DOP1B: variants seen among roughly 807,000 people sequenced by gnomAD.
DOP1B encodes protein DOP1B.
DOP1B carries 174 observed loss-of-function variants against 233.5 expected under a neutral mutation model. The observed-to-expected ratio is 0.75, with a 90% CI of 0.66 to 0.85. The LOEUF (loss-of-function observed/expected upper bound fraction) is 0.85, where lower values mean the gene tolerates loss of function less well. Ranked by LOEUF, DOP1B falls within the 40% of genes least tolerant of loss-of-function variation. The probability of loss-of-function intolerance (pLI) is 0.00; values close to 1 mark genes in which losing one functional copy is unlikely to be tolerated. For synonymous variants in DOP1B, 1,190 were observed against 1,185.6 expected (o/e 1.00, Z -0.08); for missense variants, 2,652 against 2,846.6 (o/e 0.93, Z 1.56).
chr21:36,262,224 T>A (rs1035452397), intron 24 of DOP1B, among the ~76,000 whole-genome samples: 5 of 152,158 alleles, frequency 3.3e-5, no homozygotes, highest in Admixed American at 2.0e-4. Flanking sequence ...TGACAGCGAA[T>A]ATATATTGCG....
intron 18 of DOP1B, among the ~76,000 whole-genome samples, chr21:36,240,302 A>G (rs564891445): frequency 1.3e-5 from 2 of 152,178 alleles, no homozygotes; most frequent in South Asian, 4.1e-4. Flanking sequence ...CAATATGGTG[A>G]AACCCCGTCT....
chr21:36,199,691 G>T (rs895857714), intron 3 of DOP1B, among the ~76,000 whole-genome samples: 2 of 152,018 alleles, frequency 1.3e-5, no homozygotes, highest in East Asian at 1.9e-4. Context: ...GCCATGTTTG[G>T]TTTTTTGTCC....
chr21:36,227,653 A>G (rs368743698), intron 12 of DOP1B, 33 bp from the exon 13 acceptor site: 3 of 1,455,632 alleles, frequency 2.1e-6, no homozygotes, highest in African/African-American at 2.8e-5. Context: ...GTGAACCAAC[A>G]TTGTGGGGTT....
intron 20 of DOP1B, among the ~76,000 whole-genome samples, 165 bp downstream of exon 20, chr21:36,247,793 C>G (rs1289451010): frequency 6.6e-6 from 1 of 152,356 alleles, no homozygotes; most frequent in East Asian, 1.9e-4. Context: ...CACGTACACA[C>G]GTATGCAAAT....
rs778473271 is a variant in DOP1B, at chr21:36,227,855, C to T, written c.1643C>T (p.Thr548Met). The change falls in exon 13 of 37, where the codon ACG becomes ATG. Residue 548 changes from threonine to methionine, a missense_variant. Thr to Met is a moderately conservative substitution (Grantham distance 81). Transcript: ENST00000691173. ...KVQMPPSYLD[T>M]ESTSGTSSPV... is the part of the protein sequence containing the mutation. ...CAGATGCCTCCTTCCTACCTCGACA[C>T]GGAGTCCACCAGCGGAACCTCGGTG... The T allele has an allele frequency of 4.1e-5, 65 of 1,603,168 alleles. No individual in the cohort carries two copies. Among genetic ancestry groups the T allele is most frequent in the Admixed American group, 1.2e-4 (7 of 59,260 alleles).
chr21:36,264,509 C>T (rs1185121864), intron 26 of DOP1B, among the ~76,000 whole-genome samples: 2 of 151,414 alleles, frequency 1.3e-5, no homozygotes, highest in African/African-American at 2.4e-5. Context: ...AATCTCACTC[C>T]ATCACCCAGG....
At chr21:36,158,362 G>A (rs891776410) in intron 1 of DOP1B, among the ~76,000 whole-genome samples, 4 of 152,136 alleles carry the variant, frequency 2.6e-5, no homozygotes, top group Non-Finnish European at 5.9e-5. Context: ...ATAATGTAGT[G>A]GAGACCTGTA....
chr21:36,214,084 C>A lies in DOP1B; in HGVS notation c.908C>A (p.Ser303Ter). Residue 303 changes from serine to a stop codon, truncating the protein, a stop_gained, in exon 8 of 37, where the codon TCA (serine) becomes TAA (stop). Coordinates refer to ENST00000691173, the MANE Select transcript of DOP1B (RefSeq NM_001320714.2). LOFTEE classifies it high-confidence loss of function. Reference sequence around the variant, plus strand: ...CTCGGCGCTTGTTCTTTTGTAGGCTCAGACATAAAAGGAAATACCGTTGTG... The same window carrying A: ...CTCGGCGCTTGTTCTTTTGTAGGCTAAGACATAAAAGGAAATACCGTTGTG... ...NRRLYAWLLGSDIKGNTVVPE... is the reference protein window; with the variant it reads ...NRRLYAWLLG 1 of 1,612,030 alleles carries A rather than the reference C, an allele frequency of 6.2e-7. No individual in the cohort carries two copies. The highest frequency in any genetic ancestry group is 8.5e-7 in the Non-Finnish European group (1 of 1,178,908).
rs980640071 is a variant in DOP1B at position 36,164,769 on chromosome 21, C to T, written c.36C>T (p.Tyr12=). The T allele has an allele frequency of 1.2e-6, 2 of 1,610,672 alleles. No individual in the cohort carries two copies. The highest frequency in any genetic ancestry group is 1.7e-6 in the Non-Finnish European group (2 of 1,178,760). Residue 12 remains tyrosine, a synonymous_variant, in exon 2 of 37, where the codon TAC becomes TAT. Coordinates refer to ENST00000691173, the MANE Select transcript of DOP1B (RefSeq NM_001320714.2). ...DPEEQELLND[Y]RYRSYSSVIE... ...AAGAGCAGGAGCTCTTAAATGATTA[C>T]AGATACAGAAGCTACTCTTCAGTGA... is the stretch of plus-strand genomic sequence containing the variant.
Position 36,239,925 on chromosome 21 carries a change from A to G in DOP1B, c.3037A>G (p.Ile1013Val). 6.2e-7 allele frequency: 1 copy of G among 1,610,748 alleles called. No homozygotes were observed. The highest frequency in any genetic ancestry group is 2.2e-5 in the East Asian group (1 of 44,830). Reference protein sequence around the residue: ...LLQPKTQRTSIHCLKQENSAD... With the variant: ...LLQPKTQRTSVHCLKQENSAD... ...GCAGCCAAAAACCCAGAGAACCTCC[A>G]TCCACTGCCTCAAGCAGGAGAACTC... The change falls in exon 18 of 37, where the codon ATC becomes GTC. Residue 1013 changes from isoleucine (I) to valine (V), a missense_variant. Physicochemically the swap from Ile to Val is conservative, Grantham distance 29. Coordinates refer to ENST00000691173, the MANE Select transcript of DOP1B (RefSeq NM_001320714.2).
intron 2 of DOP1B, among the ~76,000 whole-genome samples, chr21:36,195,711 T>A (rs1384178053): frequency 6.6e-6 from 1 of 152,236 alleles, no homozygotes; most frequent in Admixed American, 6.5e-5. Flanking sequence ...TAATTTGAAA[T>A]GAGTGGTTGT....
At chr21:36,223,762 T>C (rs1332229856) in intron 11 of DOP1B, among the ~76,000 whole-genome samples, 1 of 152,142 alleles carries the variant, frequency 6.6e-6, no homozygotes, top group African/African-American at 2.4e-5. Context: ...ATAAAAGCAT[T>C]AATGTTTTAA....
At chr21:36,222,336 T>TG in intron 10 of DOP1B, among the ~76,000 whole-genome samples, 1 of 151,792 alleles carries the variant, frequency 6.6e-6, no homozygotes, top group South Asian at 2.1e-4. Flanking sequence ...TCCAGCACTT[T>TG]GGGAGGCTGA....
Position 36,239,768 on chromosome 21 carries a change from C to T in DOP1B, c.2880C>T (p.Ser960=). 1 of 1,533,912 alleles carries T rather than the reference C, an allele frequency of 6.5e-7. No homozygotes were observed. Among genetic ancestry groups the T allele is most frequent in the South Asian group, 1.2e-5 (1 of 82,186 alleles). ...VTSHNRSFDR[S]LFVVLDSLAC... is the part of the protein sequence containing the mutation. ...ACTGGTGTGTTTCCCACTGCAGGTC[C>T]TTGTTTGTCGTGCTGGACAGCCTGG... The change falls in exon 18 of 37, where the codon TCC becomes TCT. Residue 960 remains serine, a synonymous_variant. Transcript: ENST00000691173.
intron 10 of DOP1B, among the ~76,000 whole-genome samples, chr21:36,220,514 T>G (rs903640045): frequency 3.3e-5 from 5 of 152,116 alleles, no homozygotes; most frequent in East Asian, 1.9e-4. Context: ...CTTGTTGGTT[T>G]GTTTGTTTGG....
chr21:36,246,527 A>G lies in DOP1B; in HGVS notation c.4547A>G (p.His1516Arg). The G allele has an allele frequency of 6.2e-7, 1 of 1,614,154 alleles. No homozygotes were observed. Among genetic ancestry groups the G allele is most frequent in the Non-Finnish European group, 8.5e-7 (1 of 1,180,026 alleles). Residue 1516 changes from histidine to arginine, a missense_variant, in exon 19 of 37, where the codon CAT (histidine) becomes CGT (arginine). By Grantham distance (29) the His-to-Arg change is conservative. This residue lies in a region of DOP1B where 2,617 missense variants were observed against 2,794.3 expected (regional missense o/e 0.94). Transcript: ENST00000691173. The surrounding 1 kb of genome is among the most constrained non-coding windows in gnomAD (Gnocchi z 5.1). ...GLQPAYGYGM[H>R]PAWVSLVTHS... ...CAGCCCGCCTACGGTTACGGCATGC[A>G]TCCGGCCTGGGTGAGCTTGGTCACG...
At chr21:36,207,499 G>GTTTTT (rs1164791099) in intron 4 of DOP1B, among the ~76,000 whole-genome samples, 10 of 89,618 alleles carry the variant, frequency 1.1e-4, no homozygotes, top group South Asian at 3.3e-4. Context: ...AGTTTTTTTT[G>GTTTTT]TTTTTTTTTT....
chr21:36,237,510 T>G, intron 16 of DOP1B, 96 bp downstream of exon 16: 1 of 1,448,738 alleles, frequency 6.9e-7, no homozygotes, highest in Admixed American at 1.9e-5. Flanking sequence ...GAAGTCTTTC[T>G]GGGGCTGAGT....
chr21:36,191,225 T>A (rs8133180), intron 2 of DOP1B, among the ~76,000 whole-genome samples: 34,346 of 142,792 alleles, frequency 0.24, 4,320 homozygotes, highest in African/African-American at 0.34. Context: ...GAATAAGACA[T>A]ACCCCACTAG....
Sources: allele counts gnomAD v4.1 joint callset (sites outside exome capture counted in the v4.1 genomes callset), GRCh38; gene constraint gnomAD v4.1.1; regional missense constraint gnomAD v4.1.1; non-coding constraint Gnocchi (gnomAD v3.1); transcripts MANE v1.5; gene names NCBI Gene and HGNC (gene_info 2026-07-23, HGNC 2026-07-21).